The following MFSD1 variants were observed in gnomAD, a reference collection of about 807,000 sequenced individuals.
MFSD1 encodes the protein major facilitator superfamily domain containing 1, also known as lysosomal dipeptide transporter MFSD1.
Under a neutral mutation model 67.1 loss-of-function variants are expected in MFSD1, and 59 were observed. That is an observed-to-expected ratio of 0.88 (90% CI 0.71 to 1.09). The LOEUF (loss-of-function observed/expected upper bound fraction) is 1.09, where lower values mean the gene tolerates loss of function less well. MFSD1 is among the 50% of genes least tolerant of loss of function. The pLI is 0.00. For synonymous variants in MFSD1, 213 were observed against 200.3 expected (o/e 1.06, Z -0.54); for missense variants, 552 against 566.1 (o/e 0.97, Z 0.25).
intron 3 of MFSD1, among the ~76,000 whole-genome samples, chr3:158,805,755 T>C (rs1280157010): frequency 6.6e-6 from 1 of 152,206 alleles, no homozygotes; most frequent in Non-Finnish European, 1.5e-5. Flanking sequence ...GTTCTGAATC[T>C]TATCGTTGCC....
chr3:158,814,233 C>G (rs541817163), intron 7 of MFSD1, among the ~76,000 whole-genome samples, 166 bp downstream of exon 7: 2 of 152,200 alleles, frequency 1.3e-5, no homozygotes, highest in Non-Finnish European at 2.9e-5. Flanking sequence ...CTATCATTTA[C>G]GCTGTTTGTA....
intron 9 of MFSD1, 78 bp downstream of exon 9, chr3:158,820,404 G>A (rs1730611889): frequency 1.0e-6 from 1 of 981,838 alleles, no homozygotes; most frequent in Non-Finnish European, 1.6e-6. Flanking sequence ...AGTTTTTAAA[G>A]CAGTAAATCT....
chr3:158,802,633 A>G (rs989407514), intron 1 of MFSD1: 1 of 611,598 alleles, frequency 1.6e-6, no homozygotes, highest in Admixed American at 2.3e-5. Context: ...CAGATTTTCA[A>G]GGTTCCTCTT....
intron 5 of MFSD1, among the ~76,000 whole-genome samples, chr3:158,808,202 C>A (rs1729822198): frequency 6.6e-6 from 1 of 152,148 alleles, no homozygotes; most frequent in Admixed American, 6.5e-5. Context: ...TAGGCCTTGA[C>A]AGAAGTACAG....
Position 158,812,824 on chromosome 3 carries a change from T to C in MFSD1, c.550-1141T>C, listed in dbSNP as rs992182677. Among the ~76,000 whole-genome samples the C allele has an allele frequency of 3.9e-5, 6 of 152,242 alleles. No homozygotes were observed. The East Asian group carries it at 1.2e-3, about 30-fold the overall frequency. On this transcript the variant is annotated intron_variant, in intron 6 of 15. Coordinates refer to ENST00000415822, the MANE Select transcript of MFSD1 (RefSeq NM_022736.4). ...ACCATTTCCTCACTGGGACCTCATC[T>C]CATCCTCTCCGTTCTGTTTGCACTG...
At chr3:158,827,608 G>C (rs1043702928) in intron 15 of MFSD1, among the ~76,000 whole-genome samples, 2 of 151,792 alleles carry the variant, frequency 1.3e-5, no homozygotes, top group Non-Finnish European at 2.9e-5. Flanking sequence ...TAGAGATGGG[G>C]TTTTGCCATG....
In MFSD1 at chr3:158,802,069, G is replaced by A; in HGVS notation, c.-84G>A. 6.4e-7 allele frequency: 1 copy of A among 1,559,808 alleles called. No homozygotes were observed. ...GAGCTCCCGGAGTCATGTGACCGCC[G>A]TCTTGACAGTGTTCCACGGGCGCTG... On this transcript the variant is annotated 5_prime_UTR_variant, in exon 1 of 16. Transcript: ENST00000415822.
chr3:158,826,630 A>G (rs888519186), intron 14 of MFSD1, among the ~76,000 whole-genome samples: 1 of 150,750 alleles, frequency 6.6e-6, no homozygotes, highest in South Asian at 2.1e-4. Context: ...AAATAATTTC[A>G]GGTCATTTCC....
At chr3:158,819,569 G>A in intron 7 of MFSD1, 80 bp from the exon 8 acceptor site, 2 of 717,134 alleles carry the variant, frequency 2.8e-6, no homozygotes, top group East Asian at 5.7e-5. Flanking sequence ...TGCTGTTTAT[G>A]TAATGTACTT....
chr3:158,819,496 C>T, intron 7 of MFSD1, 153 bp from the exon 8 acceptor site: 5 of 483,710 alleles, frequency 1.0e-5, no homozygotes, highest in Admixed American at 3.9e-5. Flanking sequence ...CTCTTTTGTC[C>T]CGATTTAGTA....
chr3:158,813,817 T>C (rs1453796519), intron 6 of MFSD1, 148 bp from the exon 7 acceptor site: 2 of 431,384 alleles, frequency 4.6e-6, no homozygotes, highest in Non-Finnish European at 8.2e-6. Flanking sequence ...TCTTGGTTTG[T>C]CAATTTTTTC....
intron 7 of MFSD1, 109 bp from the exon 8 acceptor site, chr3:158,819,540 C>T: frequency 2.0e-6 from 1 of 507,624 alleles, no homozygotes. Flanking sequence ...TATGTGACAT[C>T]CCTTTCAGTT....
At chr3:158,823,291 A>G in intron 11 of MFSD1, 137 bp from the exon 12 acceptor site, 1 of 664,918 alleles carries the variant, frequency 1.5e-6, no homozygotes, top group Non-Finnish European at 2.7e-6. Flanking sequence ...TTGAATACGA[A>G]TTTTAGCCTA....
At position 158,817,321 on chromosome 3, in the gene MFSD1, A is replaced by C. The variant is rs1354652805; in HGVS notation, c.653-2328A>C. ...AGGAAGTCAAATTGTCCCTGTTTGC[A>C]GACAACATGATTGTATATCTAGAAA... is the stretch of plus-strand genomic sequence containing the variant. On this transcript the variant is annotated intron_variant, in intron 7 of 15. Transcript: ENST00000415822. Among the ~76,000 whole-genome samples the C allele has an allele frequency of 2.6e-5, 4 of 152,158 alleles. No individual in the cohort carries two copies. The East Asian group carries it at 7.7e-4, about 29-fold the overall frequency.
At chr3:158,821,764 C>T (rs563565534) in intron 10 of MFSD1, 111 bp downstream of exon 10, 14 of 1,042,544 alleles carry the variant, frequency 1.3e-5, no homozygotes, top group African/African-American at 6.4e-5. Flanking sequence ...TTTTTAAGTG[C>T]GAAACTGGGA....
At chr3:158,820,152 A>G (rs903568835) in intron 8 of MFSD1, 63 bp from the exon 9 acceptor site, 42 of 824,436 alleles carry the variant, frequency 5.1e-5, no homozygotes, top group South Asian at 1.1e-4. Flanking sequence ...AATCTTGACT[A>G]TAGATGAAAG....
chr3:158,816,661 C>G (rs1466646569), intron 7 of MFSD1, among the ~76,000 whole-genome samples: 1 of 151,024 alleles, frequency 6.6e-6, no homozygotes, highest in Non-Finnish European at 1.5e-5. Flanking sequence ...TTAATGAGAT[C>G]CCATTTGTCA....
chr3:158,820,012 A>G (rs1459219160), intron 8 of MFSD1, among the ~76,000 whole-genome samples: 1 of 152,222 alleles, frequency 6.6e-6, no homozygotes, highest in Non-Finnish European at 1.5e-5. Context: ...GGTAGATGCC[A>G]GTCTTAGTCT....
chr3:158,823,150 G>T, intron 11 of MFSD1: 1 of 362,056 alleles, frequency 2.8e-6, no homozygotes, highest in South Asian at 3.7e-5. Context: ...TTCTTACTTG[G>T]TCCTTGACTG....
Sources: gnomAD v4.1 joint callset for allele counts (sites outside exome capture counted in the v4.1 genomes callset) on GRCh38, gnomAD v4.1.1 for gene constraint, MANE v1.5 for transcripts, NCBI Gene and HGNC (gene_info 2026-07-23, HGNC 2026-07-21) for gene names.